Variants in DGKQ observed in about 807,000 individuals in gnomAD.
The protein encoded by DGKQ is diacylglycerol kinase theta.
A neutral mutation model predicts 104.2 loss-of-function variants in DGKQ; 97 were observed. The observed-to-expected ratio is 0.93, with a 90% CI of 0.79 to 1.10. DGKQ has a LOEUF of 1.10. Ranked by LOEUF, DGKQ falls within the 50% of genes least tolerant of loss-of-function variation. DGKQ has a pLI of 0.00. For synonymous variants in DGKQ, 736 were observed against 595.2 expected (o/e 1.24, Z -3.44); for missense variants, 1,465 against 1,352.1 (o/e 1.08, Z -1.31).
At position 968,465 on chromosome 4, in the gene DGKQ, GC is replaced by G; in HGVS notation, c.537+13del. Reference sequence around the variant, plus strand: ...GCCCCACCCCCCAGGGCTCCCTGGGGCCGGTACACTCACGTGATCCTGGTGC... The same window carrying G: ...GCCCCACCCCCCAGGGCTCCCTGGGGCGGTACACTCACGTGATCCTGGTGC... On this transcript the variant is annotated intron_variant, in intron 4 of 22. Transcript: ENST00000273814. The G allele has an allele frequency of 6.2e-7, 1 of 1,601,144 alleles. No homozygotes were observed. The highest frequency in any genetic ancestry group is 8.5e-7 in the Non-Finnish European group (1 of 1,174,418).
At chr4:973,150 GCT>G (rs1204730400) in intron 1 of DGKQ, 60 bp downstream of exon 1, 1 of 1,417,078 alleles carries the variant, frequency 7.1e-7, no homozygotes, top group East Asian at 3.1e-5. Flanking sequence ...CTCCGCTCAG[GCT>G]CCCGCCCACG....
rs1438755781 is a variant in DGKQ, at chr4:962,479, C to A, written c.2170G>T (p.Ala724Ser). The stretch of plus-strand genomic sequence containing the variant: ...GCCGTGTCGTTCTCTGCACTGCCAG[C>A]CTCGTGGGCATCCAGCAGGATGGTC... The part of the protein sequence containing the change: ...RWTILLDAHE[A>S]GSAENDTADA... Residue 724 changes from alanine (A) to serine (S), a missense_variant, in exon 18 of 23, where the codon GCT becomes TCT. Ala to Ser is a moderately conservative substitution (Grantham distance 99). Coordinates refer to ENST00000273814, the MANE Select transcript of DGKQ (RefSeq NM_001347.4). The A allele has an allele frequency of 1.9e-6, 3 of 1,606,298 alleles. No homozygotes were observed. The highest frequency in any genetic ancestry group is 1.3e-5 in the African/African-American group (1 of 74,898).
intron 2 of DGKQ, among the ~76,000 whole-genome samples, chr4:969,993 G>A (rs545392734): frequency 7.2e-5 from 11 of 152,390 alleles, no homozygotes; most frequent in African/African-American, 2.4e-4. Context: ...AAGTATAGAA[G>A]ACATTAAAAT....
intron 2 of DGKQ, 146 bp from the exon 3 acceptor site, chr4:969,056 C>T (rs1233066144): frequency 1.8e-6 from 1 of 546,772 alleles, no homozygotes; most frequent in East Asian, 3.3e-5. Context: ...CTGGAGGCCC[C>T]AGGAACAACC....
chr4:968,877 GC>G lies in DGKQ; in HGVS notation c.384del (p.Leu129SerfsTer172), dbSNP rs1421409974. ...VPVAHCFGPR[G>X]LHKRKFCAVC... ...ACAGCACAGAACTTGCGCTTGTGGA[GC>G]CCCCGGGGGCCGAAGCAGTGGGCTA... On this transcript the variant is annotated frameshift_variant, in exon 3 of 23. Transcript: ENST00000273814. LOFTEE classifies it high-confidence loss of function. 14 of 1,602,300 alleles carry G rather than the reference GC, an allele frequency of 8.7e-6. No homozygotes were observed. The highest frequency in any genetic ancestry group is 1.1e-5 in the Non-Finnish European group (13 of 1,172,982).
In DGKQ at chr4:967,230, C is replaced by T. The variant is rs1187911420; in HGVS notation, c.1119G>A (p.Glu373=). ...CCTCGCCGGACCCGGGGCTTCTGCC[C>T]TCCTCCGAGATCACAGCACTCCCAG... ...GKAGSAVISE[E]GRSPGSGEAT... is the part of the protein sequence containing the mutation. The change falls in exon 9 of 23, where the codon GAG becomes GAA. Residue 373 remains glutamate, a synonymous_variant. Coordinates refer to ENST00000273814, the MANE Select transcript of DGKQ (RefSeq NM_001347.4). The T allele has an allele frequency of 3.2e-6, 5 of 1,575,028 alleles. No homozygotes were observed. Among genetic ancestry groups the T allele is most frequent in the Non-Finnish European group, 3.4e-6 (4 of 1,162,886 alleles).
At chr4:965,907 G>C (rs761587192) in intron 13 of DGKQ, 21 bp downstream of exon 13, 1 of 1,575,280 alleles carries the variant, frequency 6.3e-7, no homozygotes. Flanking sequence ...AGCAGCCCAC[G>C]GCCAGCCACA....
At chr4:965,810 G>C (rs1712270403) in intron 13 of DGKQ, 118 bp downstream of exon 13, 1 of 1,207,034 alleles carries the variant, frequency 8.3e-7, no homozygotes. Context: ...GCTGGACCCG[G>C]AGCTCAGGCC....
At chr4:962,131 C>A (rs1225796815) in intron 18 of DGKQ, 49 bp from the exon 19 acceptor site, 5 of 1,479,392 alleles carry the variant, frequency 3.4e-6, no homozygotes, top group Non-Finnish European at 4.7e-6. Flanking sequence ...CTCACCAGGC[C>A]CCCTGAGCTC....
chr4:961,933 C>G, intron 19 of DGKQ, 49 bp downstream of exon 19: 1 of 1,610,728 alleles, frequency 6.2e-7, no homozygotes, highest in Non-Finnish European at 8.5e-7. Context: ...GCTGGGGGAC[C>G]TGAGGGAGGT....
intron 2 of DGKQ, among the ~76,000 whole-genome samples, chr4:970,728 G>A (rs1199304191): frequency 6.6e-6 from 1 of 152,062 alleles, no homozygotes; most frequent in Admixed American, 6.6e-5. Flanking sequence ...CTCTACATCT[G>A]TGCTCCCTTT....
intron 16 of DGKQ, 99 bp downstream of exon 16, chr4:963,040 T>A (rs976168877): frequency 2.7e-5 from 40 of 1,490,338 alleles, no homozygotes; most frequent in Non-Finnish European, 3.5e-5. Context: ...CAGCACGGGA[T>A]CCCCGTGGAG....
rs140164967 is a variant in DGKQ, at chr4:968,827, C to A, written c.435G>T (p.Pro145=). Residue 145 remains proline, a synonymous_variant, in exon 3 of 23, where the codon CCG becomes CCT. Transcript: ENST00000273814. ...CAVCRKVLEA[P]ALHCEVCELH... ...TCCAGGTACCTTCGCAGTGGAGCGC[C>A]GGTGCCTCCAGGACCTTGCGGCAGA... The A allele has an allele frequency of 1.2e-6, 2 of 1,610,806 alleles. No individual in the cohort carries two copies. Among genetic ancestry groups the A allele is most frequent in the East Asian group, 2.2e-5 (1 of 44,796 alleles).
intron 1 of DGKQ, among the ~76,000 whole-genome samples, chr4:972,769 G>A (rs1713035995): frequency 6.6e-6 from 1 of 152,244 alleles, no homozygotes; most frequent in South Asian, 2.1e-4. Context: ...GTGGAGCAGG[G>A]CTGGGACACG....
At chr4:968,622 C>T (rs1050965453) in intron 3 of DGKQ, 58 bp from the exon 4 acceptor site, 24 of 1,510,162 alleles carry the variant, frequency 1.6e-5, no homozygotes, top group Non-Finnish European at 2.1e-5. Flanking sequence ...CTGCCTCTGC[C>T]GGTGCTTGGG....
chr4:967,028 C>G lies in DGKQ; in HGVS notation c.1247G>C (p.Arg416Pro). 6.4e-7 allele frequency: 1 copy of G among 1,561,946 alleles called. No homozygotes were observed. The highest frequency in any genetic ancestry group is 8.7e-7 in the Non-Finnish European group (1 of 1,154,874). The stretch of plus-strand genomic sequence containing the variant: ...GCGGGCCGTGCTCTTCGGGGTCACT[C>G]GCACGGACACGTAGGCCACGCCCAC... ...LKVGVAYVSV[R>P]VTPKSTARSV... The change falls in exon 10 of 23, where the codon CGA (arginine) becomes CCA (proline). Residue 416 changes from arginine (R) to proline (P), a missense_variant. Physicochemically the swap from Arg to Pro is moderately radical, Grantham distance 103 (BLOSUM62 -2). Coordinates refer to ENST00000273814, the MANE Select transcript of DGKQ (RefSeq NM_001347.4).
intron 15 of DGKQ, among the ~76,000 whole-genome samples, chr4:963,886 G>A (rs1011142199): frequency 1.3e-5 from 2 of 152,166 alleles, no homozygotes; most frequent in African/African-American, 2.4e-5. Flanking sequence ...ACGACAGGAG[G>A]CTAGGGACCC....
rs1391196029 is a variant in DGKQ, at chr4:960,622, A to T, written c.2827T>A (p.Ter943LysextTer60). The stretch of plus-strand genomic sequence containing the variant: ...CCCTTGGGCTGCCCCAGCCACCCCT[A>T]CCTAGGATCGCTCTCAGGGGCAGGC... ...AAPAPESDPR[*>K] Residue 943 changes from the stop codon to lysine, a stop_lost, in exon 23 of 23, where the codon TAG (stop) becomes AAG (lysine). Coordinates refer to ENST00000273814, the MANE Select transcript of DGKQ (RefSeq NM_001347.4). 16 of 1,610,814 alleles carry T rather than the reference A, an allele frequency of 9.9e-6. No homozygotes were observed. The highest frequency in any genetic ancestry group is 1.4e-5 in the Non-Finnish European group (16 of 1,179,384).
At position 973,535 on chromosome 4, in the gene DGKQ, C is replaced by G. The variant is rs1008708110; in HGVS notation, c.-53G>C. On this transcript the variant is annotated 5_prime_UTR_variant, in exon 1 of 23. Coordinates refer to ENST00000273814, the MANE Select transcript of DGKQ (RefSeq NM_001347.4). ...TAGGTCCGCGCCGGGGGTACAGGAG[C>G]CGCCGCTCCACGGCCCGGTACACTG... The G allele has an allele frequency of 3.3e-5, 33 of 985,326 alleles. No homozygotes were observed. Among genetic ancestry groups the G allele is most frequent in the Non-Finnish European group, 4.0e-5 (33 of 829,862 alleles). 61.0% of individuals were successfully genotyped at this position (985,326 alleles called of 1,614,324 possible). A position where few individuals can be genotyped will look rare whatever the true frequency, so the allele number is the denominator to read the frequency against.
Sources: allele counts gnomAD v4.1 joint callset (sites outside exome capture counted in the v4.1 genomes callset), GRCh38; gene constraint gnomAD v4.1.1; transcripts MANE v1.5; gene names NCBI Gene and HGNC (gene_info 2026-07-23, HGNC 2026-07-21).